Variants in PDE7B observed in about 807,000 individuals in gnomAD.
PDE7B encodes the protein phosphodiesterase 7B.
PDE7B carries 29 observed loss-of-function variants against 56.2 expected under a neutral mutation model. That is an observed-to-expected ratio of 0.52 (90% CI 0.38 to 0.70). The LOEUF (loss-of-function observed/expected upper bound fraction) is 0.70. Ranked by LOEUF, PDE7B falls within the 30% of genes least tolerant of loss-of-function variation. The probability of loss-of-function intolerance (pLI) is 0.00; values close to 1 mark genes in which losing one functional copy is unlikely to be tolerated. For synonymous variants in PDE7B, 197 were observed against 196.9 expected (o/e 1.00, Z 0.00); for missense variants, 490 against 565.0 (o/e 0.87, Z 1.35).
chr6:136,151,778 A>C (rs1778520897), intron 6 of PDE7B, among the ~76,000 whole-genome samples: 1 of 114,450 alleles, frequency 8.7e-6, no homozygotes, highest in Non-Finnish European at 1.8e-5. Context: ...TACTAAAAAT[A>C]CAAAAAAAAA....
chr6:135,938,414 A>G (rs952113269), intron 1 of PDE7B, among the ~76,000 whole-genome samples: 3 of 152,184 alleles, frequency 2.0e-5, no homozygotes, highest in African/African-American at 7.2e-5. Context: ...TTTGTGGCAT[A>G]TGTATTTGAG....
Position 136,031,465 on chromosome 6 carries a change from C to G in PDE7B, c.83-77266C>G, listed in dbSNP as rs979210404. Reference sequence around the variant, plus strand: ...TTCATAATTACCAGGAGGGGCCGGGCGCGGTGGCTCACGCCTGTAATCCCA... The same window carrying G: ...TTCATAATTACCAGGAGGGGCCGGGGGCGGTGGCTCACGCCTGTAATCCCA... On this transcript the variant is annotated intron_variant, in intron 2 of 12. Coordinates refer to ENST00000308191, the MANE Select transcript of PDE7B (RefSeq NM_018945.4). Among the ~76,000 whole-genome samples, 7 of 152,140 alleles carry G rather than the reference C, an allele frequency of 4.6e-5. No individual in the cohort carries two copies. In the East Asian group the frequency reaches 1.3e-3, roughly 29 times the overall value.
rs747299806 is a variant in PDE7B, at chr6:136,191,794, C to T, written c.1307C>T (p.Ala436Val). 1.3e-6 allele frequency: 2 copies of T among 1,566,212 alleles called. No individual in the cohort carries two copies. The highest frequency in any genetic ancestry group is 2.4e-5 in the East Asian group (1 of 41,648). ...GGCAGCGGGCCTGACCACGACCACG[C>T]AGGCCAAGGGACTGAGAGCGAGGAG... ...SSGSGPDHDH[A>V]GQGTESEEQE... Residue 436 changes from alanine to valine, a missense_variant, in exon 13 of 13, where the codon GCA becomes GTA. Ala to Val is a moderately conservative substitution (Grantham distance 64). Coordinates refer to ENST00000308191, the MANE Select transcript of PDE7B (RefSeq NM_018945.4).
intron 1 of PDE7B, among the ~76,000 whole-genome samples, chr6:135,920,198 C>G (rs1464938142): frequency 6.6e-6 from 1 of 152,104 alleles, no homozygotes; most frequent in Non-Finnish European, 1.5e-5. Flanking sequence ...AAAGAGAATT[C>G]AAGATCATAA....
intron 1 of PDE7B, among the ~76,000 whole-genome samples, chr6:135,890,816 T>C (rs1775798089): frequency 6.6e-6 from 1 of 152,234 alleles, no homozygotes; most frequent in Non-Finnish European, 1.5e-5. Flanking sequence ...TATAGGACTC[T>C]GATATTAGAG....
At chr6:136,161,218 T>C (rs1778698569) in intron 8 of PDE7B, among the ~76,000 whole-genome samples, 1 of 152,184 alleles carries the variant, frequency 6.6e-6, no homozygotes. Flanking sequence ...TCTCTAAAAA[T>C]CCATCTTACA....
At chr6:135,918,868 C>T (rs1045930177) in intron 1 of PDE7B, among the ~76,000 whole-genome samples, 5 of 152,060 alleles carry the variant, frequency 3.3e-5, no homozygotes, top group African/African-American at 9.7e-5. Context: ...AAAGTGTTTC[C>T]GATCAGATTA....
chr6:135,954,445 A>G (rs1394231623), intron 2 of PDE7B, among the ~76,000 whole-genome samples: 2 of 152,142 alleles, frequency 1.3e-5, no homozygotes, highest in Non-Finnish European at 2.9e-5. Context: ...ACATTAACTA[A>G]CTGGTGGCTT....
chr6:136,159,879 A>G (rs955121372), intron 8 of PDE7B, among the ~76,000 whole-genome samples: 1 of 152,092 alleles, frequency 6.6e-6, no homozygotes, highest in African/African-American at 2.4e-5. Context: ...TATGATAGCA[A>G]CTCTGCTCTG....
At chr6:135,955,966 G>A (rs893991115) in intron 2 of PDE7B, among the ~76,000 whole-genome samples, 1 of 152,156 alleles carries the variant, frequency 6.6e-6, no homozygotes, top group Non-Finnish European at 1.5e-5. Flanking sequence ...TTCCACTGCA[G>A]CACAGCTCAG....
chr6:136,165,291 ATG>A (rs527875162), intron 8 of PDE7B, among the ~76,000 whole-genome samples: 66 of 152,182 alleles, frequency 4.3e-4, no homozygotes, highest in Non-Finnish European at 9.0e-4. Context: ...GTGTGTGTGT[ATG>A]TGTGTTTCCA....
At chr6:135,973,206 C>T (rs536339996) in intron 2 of PDE7B, among the ~76,000 whole-genome samples, 11 of 151,894 alleles carry the variant, frequency 7.2e-5, no homozygotes, top group African/African-American at 1.5e-4. Flanking sequence ...GTTTAGATAC[C>T]GCATATAAAT....
At chr6:135,882,614 G>A (rs1340659594) in intron 1 of PDE7B, among the ~76,000 whole-genome samples, 3 of 152,098 alleles carry the variant, frequency 2.0e-5, no homozygotes, top group Admixed American at 6.6e-5. Context: ...AGATTTCCAT[G>A]TATAGCAATT....
chr6:136,104,980 C>A (rs1298263029), intron 2 of PDE7B, among the ~76,000 whole-genome samples: 2 of 152,204 alleles, frequency 1.3e-5, no homozygotes, highest in African/African-American at 2.4e-5. Context: ...GTTTAGGTAT[C>A]TTTGCTCTCA....
chr6:136,121,822 T>C (rs1777938742), intron 3 of PDE7B, among the ~76,000 whole-genome samples: 1 of 152,178 alleles, frequency 6.6e-6, no homozygotes, highest in African/African-American at 2.4e-5. Flanking sequence ...GGGAAAATGC[T>C]GAATACGTTT....
chr6:136,159,737 C>T (rs577071067), intron 8 of PDE7B, among the ~76,000 whole-genome samples: 3 of 152,290 alleles, frequency 2.0e-5, no homozygotes, highest in South Asian at 4.1e-4. Flanking sequence ...TTTCTGTATC[C>T]TCCGGATTTA....
intron 1 of PDE7B, among the ~76,000 whole-genome samples, chr6:135,933,150 A>G (rs1774324282): frequency 6.6e-6 from 1 of 152,142 alleles, no homozygotes; most frequent in Non-Finnish European, 1.5e-5. Flanking sequence ...CTGTTACTAG[A>G]CTCCACACAA....
chr6:136,109,876 C>T (rs1337673554), intron 3 of PDE7B, among the ~76,000 whole-genome samples: 3 of 152,164 alleles, frequency 2.0e-5, no homozygotes. Flanking sequence ...GTTTGGTTCT[C>T]ATATCACTTC....
At chr6:135,919,435 T>C (rs911382240) in intron 1 of PDE7B, among the ~76,000 whole-genome samples, 1 of 152,170 alleles carries the variant, frequency 6.6e-6, no homozygotes, top group Non-Finnish European at 1.5e-5. Flanking sequence ...CAATAAAATG[T>C]TATGAAAAAT....
Sources: gnomAD v4.1 joint callset for allele counts (sites outside exome capture counted in the v4.1 genomes callset) on GRCh38, gnomAD v4.1.1 for gene constraint, MANE v1.5 for transcripts, NCBI Gene and HGNC (gene_info 2026-07-23, HGNC 2026-07-21) for gene names.